Variants in DOCK4 observed in about 807,000 individuals in gnomAD.
DOCK4 encodes the protein dedicator of cytokinesis 4.
DOCK4 carries 97 observed loss-of-function variants against 268.1 expected under a neutral mutation model. That is an observed-to-expected ratio of 0.36 (90% CI 0.31 to 0.43). The LOEUF is 0.43. DOCK4 is among the 20% of genes least tolerant of loss of function. The pLI, the probability that DOCK4 is intolerant of heterozygous loss-of-function variation, is 1.00. For missense variants in DOCK4, 2,145 were observed against 2,455.7 expected (o/e 0.87, Z 2.67); for synonymous variants, 954 against 887.2 (o/e 1.08, Z -1.34).
intron 42 of DOCK4, 73 bp from the exon 43 acceptor site, chr7:111,747,516 T>A (rs978206099): frequency 7.1e-7 from 1 of 1,412,848 alleles, no homozygotes; most frequent in Non-Finnish European, 9.5e-7. Flanking sequence ...AGTTTATCCA[T>A]GTTCTGAATT....
chr7:112,020,524 T>A (rs1802222632), intron 1 of DOCK4, among the ~76,000 whole-genome samples: 1 of 152,032 alleles, frequency 6.6e-6, no homozygotes. Flanking sequence ...TACATTTGTT[T>A]TGGAGAAAGG....
intron 8 of DOCK4, among the ~76,000 whole-genome samples, chr7:111,956,951 A>G (rs1796495584): frequency 6.6e-6 from 1 of 152,206 alleles, no homozygotes; most frequent in South Asian, 2.1e-4. Flanking sequence ...GATTCTTTAT[A>G]TTCATTATAA....
At chr7:112,128,359 C>G (rs1476754475) in intron 1 of DOCK4, among the ~76,000 whole-genome samples, 2 of 152,112 alleles carry the variant, frequency 1.3e-5, no homozygotes, top group African/African-American at 2.4e-5. Context: ...TCTGCCCGGC[C>G]GCCCCTACTG....
chr7:111,814,291 C>T (rs1233583304), intron 27 of DOCK4, among the ~76,000 whole-genome samples: 1 of 152,170 alleles, frequency 6.6e-6, no homozygotes, highest in Non-Finnish European at 1.5e-5. Context: ...AACATGGAAT[C>T]TCTGTGGCCT....
intron 23 of DOCK4, among the ~76,000 whole-genome samples, chr7:111,859,562 A>ATTT (rs140285833): frequency 1.1e-4 from 11 of 102,134 alleles, no homozygotes; most frequent in East Asian, 2.6e-4. Context: ...GTGTGTGTTA[A>ATTT]TTTTTTTTTT....
chr7:112,078,773 G>T (rs962591539), intron 1 of DOCK4, among the ~76,000 whole-genome samples: 2 of 152,192 alleles, frequency 1.3e-5, no homozygotes, highest in African/African-American at 4.8e-5. Flanking sequence ...ATCTCCTGCA[G>T]AGTCTGGGTC....
At chr7:112,090,051 C>G (rs1809482001) in intron 1 of DOCK4, among the ~76,000 whole-genome samples, 1 of 152,016 alleles carries the variant, frequency 6.6e-6, no homozygotes, top group South Asian at 2.1e-4. Flanking sequence ...TTCTTAAGAC[C>G]CTCTTTCTGG....
intron 27 of DOCK4, chr7:111,819,634 C>T (rs556570273): frequency 4.6e-5 from 7 of 152,240 alleles, no homozygotes; most frequent in African/African-American, 1.7e-4. Flanking sequence ...AACAACACAG[C>T]TTATAGATGA....
chr7:111,732,771 T>C (rs535957637), intron 51 of DOCK4, among the ~76,000 whole-genome samples: 1 of 152,288 alleles, frequency 6.6e-6, no homozygotes, highest in East Asian at 1.9e-4. Context: ...ACAACCCCAG[T>C]ACTCCCCAAA....
chr7:112,046,887 G>A (rs1006928960), intron 1 of DOCK4, among the ~76,000 whole-genome samples: 2 of 152,160 alleles, frequency 1.3e-5, no homozygotes, highest in African/African-American at 4.8e-5. Context: ...GGGAGTCTGA[G>A]GGGACCAAGG....
intron 8 of DOCK4, among the ~76,000 whole-genome samples, chr7:111,969,205 T>A: frequency 2.4e-5 from 3 of 127,650 alleles, no homozygotes; most frequent in Non-Finnish European, 3.2e-5. Flanking sequence ...AAACTTAGAG[T>A]ATAATAAAAA....
chr7:111,758,880 G>T (rs1797207902), intron 40 of DOCK4, 90 bp from the exon 41 acceptor site: 2 of 1,169,738 alleles, frequency 1.7e-6, no homozygotes, highest in Middle Eastern at 2.2e-4. Context: ...GAAGAGGATG[G>T]GTAACAATCT....
chr7:112,092,073 G>T (rs189827667), intron 1 of DOCK4, among the ~76,000 whole-genome samples: 1 of 152,046 alleles, frequency 6.6e-6, no homozygotes, highest in African/African-American at 2.4e-5. Flanking sequence ...ACAAACCCAG[G>T]ACCACTTTCT....
intron 17 of DOCK4, among the ~76,000 whole-genome samples, chr7:111,874,385 T>A (rs1319009594): frequency 1.3e-5 from 2 of 151,936 alleles, no homozygotes; most frequent in South Asian, 2.1e-4. Context: ...CCCATTTAAG[T>A]AGGGCTGGAA....
chr7:112,098,806 G>A (rs1206972625), intron 1 of DOCK4, among the ~76,000 whole-genome samples: 1 of 129,756 alleles, frequency 7.7e-6, no homozygotes, highest in Non-Finnish European at 1.8e-5. Context: ...TATATCTCAT[G>A]AGCATATATC....
Position 111,749,867 on chromosome 7 carries a change from T to C in DOCK4, c.4417-2424A>G, listed in dbSNP as rs114783809. On this transcript the variant is annotated intron_variant, in intron 42 of 52. Coordinates refer to ENST00000428084, the MANE Select transcript of DOCK4 (RefSeq NM_001363540.2). ...CTGGGGAAATAAGTATTCCTAAGACTAGTTATCCCCTCTAGACAGGGTGTA... is the reference window on the plus strand; with the variant it reads ...CTGGGGAAATAAGTATTCCTAAGACCAGTTATCCCCTCTAGACAGGGTGTA... Among the ~76,000 whole-genome samples the C allele has an allele frequency of 7.8e-3, 1,194 of 152,330 alleles. 18 individuals are homozygous for C. Among genetic ancestry groups the C allele is most frequent in the African/African-American group, 0.028 (1,160 of 41,574 alleles).
chr7:112,127,522 G>A (rs986267041), intron 1 of DOCK4, among the ~76,000 whole-genome samples: 8 of 150,858 alleles, frequency 5.3e-5, no homozygotes, highest in Non-Finnish European at 1.2e-4. Flanking sequence ...TAACTAACCT[G>A]CACATTGTGC....
chr7:112,184,794 C>T lies in DOCK4; in HGVS notation c.37+21308G>A, dbSNP rs75197648. ...CCTGTGTGACCCCTACAATCCCCCC[C>T]CCTTAGAGCTTGCAGAGGGTGTTGA... is the stretch of plus-strand genomic sequence containing the variant. On this transcript the variant is annotated intron_variant, in intron 1 of 52. Transcript: ENST00000428084. Among the ~76,000 whole-genome samples the T allele has an allele frequency of 1.2e-3, 182 of 152,182 alleles. 1 individual carries two copies. The highest frequency in any genetic ancestry group is 3.9e-3 in the African/African-American group (162 of 41,516).
At chr7:112,087,343 A>T (rs1007445801) in intron 1 of DOCK4, among the ~76,000 whole-genome samples, 6 of 152,104 alleles carry the variant, frequency 3.9e-5, no homozygotes, top group Non-Finnish European at 8.8e-5. Context: ...TAACATAAGG[A>T]TTCCCTGGCC....
Sources: allele counts gnomAD v4.1 joint callset (sites outside exome capture counted in the v4.1 genomes callset), GRCh38; gene constraint gnomAD v4.1.1; transcripts MANE v1.5; gene names NCBI Gene and HGNC (gene_info 2026-07-23, HGNC 2026-07-21).